Variants in CDHR3 observed in about 807,000 individuals in gnomAD.
CDHR3 encodes the protein cadherin related family member 3, also known as cadherin-related family member 3.
A neutral mutation model predicts 86.6 loss-of-function variants in CDHR3; 79 were observed. That is an observed-to-expected ratio of 0.91 (90% CI 0.76 to 1.10). CDHR3 has a LOEUF of 1.10. CDHR3 is among the 50% of genes least tolerant of loss of function. The pLI, the probability that CDHR3 is intolerant of heterozygous loss-of-function variation, is 0.00. For synonymous variants in CDHR3, 421 were observed against 402.4 expected (o/e 1.05, Z -0.55); for missense variants, 1,081 against 1,077.6 (o/e 1.00, Z -0.04).
At position 105,974,951 on chromosome 7, in the gene CDHR3, T is replaced by C. The variant is rs372694815; in HGVS notation, c.154T>C (p.Leu52=). The C allele has an allele frequency of 2.0e-5, 33 of 1,613,696 alleles. No individual in the cohort carries two copies. In the African/African-American group the frequency reaches 3.3e-4, roughly 16 times the overall value. The part of the protein sequence containing the change: ...HKFSVKLSAS[L]SPVIPGFPQI... The stretch of plus-strand genomic sequence containing the variant: ...GTTTTCTGTGAAGTTATCAGCATCA[T>C]TGTCACCTGTGATCCCAGGATTTCC... Residue 52 remains leucine, a synonymous_variant, in exon 2 of 19, where the codon TTG becomes CTG. Transcript: ENST00000317716.
At chr7:106,011,223 C>T (rs1834751221) in intron 8 of CDHR3, among the ~76,000 whole-genome samples, 1 of 152,304 alleles carries the variant, frequency 6.6e-6, no homozygotes, top group Middle Eastern at 3.4e-3. Context: ...TATGCATGCT[C>T]CTTTGCAATG....
chr7:106,031,446 G>T (rs902861288), intron 18 of CDHR3, among the ~76,000 whole-genome samples: 1 of 152,160 alleles, frequency 6.6e-6, no homozygotes, highest in Admixed American at 6.5e-5. Flanking sequence ...AATTATAGAC[G>T]TGAATAAAGG....
At chr7:105,993,487 T>G (rs569341432) in intron 4 of CDHR3, among the ~76,000 whole-genome samples, 46 of 150,812 alleles carry the variant, frequency 3.1e-4, no homozygotes, top group Non-Finnish European at 5.0e-4. Flanking sequence ...CTGGGCAACA[T>G]GGTGAAACCC....
At chr7:106,024,313 C>T (rs148473744) in intron 14 of CDHR3, 68 bp from the exon 15 acceptor site, 29 of 1,380,028 alleles carry the variant, frequency 2.1e-5, no homozygotes, top group Middle Eastern at 1.8e-4. Flanking sequence ...ACACTCAACA[C>T]GAGAGAGTGC....
rs569733899 is a variant in CDHR3, at chr7:106,023,705, T to C, written c.2077-676T>C. The stretch of plus-strand genomic sequence containing the variant: ...CTTGCCAGGAGCTGGTTCATGCTTC[T>C]CTCTCCCATGCTCGAGTCAATATGA... On this transcript the variant is annotated intron_variant, in intron 14 of 18. Transcript: ENST00000317716. Among the ~76,000 whole-genome samples, 4 of 152,310 alleles carry C rather than the reference T, an allele frequency of 2.6e-5. 1 individual carries two copies. In the South Asian group the frequency reaches 6.2e-4, roughly 24 times the overall value.
chr7:106,004,674 A>G lies in CDHR3; in HGVS notation c.1039A>G (p.Lys347Glu), dbSNP rs1436124426. The change falls in exon 8 of 19, where the codon AAG (lysine) becomes GAG (glutamate). Residue 347 changes from lysine to glutamate, a missense_variant. By Grantham distance (56) the Lys-to-Glu change is moderately conservative. Transcript: ENST00000317716. ...CAACGACAATCCTGCCACATGCCAA[A>G]AGTTCACCTTCAGGTATGCACACTT... ...DVNDNPATCQ[K>E]FTFSIMVPER... is the part of the protein sequence containing the mutation. 1 of 1,613,858 alleles carries G rather than the reference A, an allele frequency of 6.2e-7. No homozygotes were observed. Among genetic ancestry groups the G allele is most frequent in the African/African-American group, 1.3e-5 (1 of 74,916 alleles).
Position 105,987,687 on chromosome 7 carries a change from G to A in CDHR3, c.513+3398G>A, listed in dbSNP as rs143880559. Reference sequence around the variant, plus strand: ...TGTGATTGGACTTGGATATGGCCTGGGCATTAGGACTATAAAGCCCCCAGG... The same window carrying A: ...TGTGATTGGACTTGGATATGGCCTGAGCATTAGGACTATAAAGCCCCCAGG... On this transcript the variant is annotated intron_variant, in intron 4 of 18. Coordinates refer to ENST00000317716, the MANE Select transcript of CDHR3 (RefSeq NM_152750.5). Among the ~76,000 whole-genome samples the A allele has an allele frequency of 3.3e-5, 5 of 152,232 alleles. No individual in the cohort carries two copies. The East Asian group carries it at 9.7e-4, about 29-fold the overall frequency.
intron 16 of CDHR3, among the ~76,000 whole-genome samples, chr7:106,027,860 C>T (rs1198005016): frequency 2.6e-5 from 4 of 152,028 alleles, no homozygotes; most frequent in East Asian, 3.9e-4. Context: ...CATGGTGGCT[C>T]ACACTTATAA....
chr7:105,992,950 G>A (rs1018408364), intron 4 of CDHR3, among the ~76,000 whole-genome samples: 4 of 152,184 alleles, frequency 2.6e-5, no homozygotes, highest in Admixed American at 6.5e-5. Flanking sequence ...GCTTAAAAAC[G>A]TTATATTGGC....
intron 4 of CDHR3, among the ~76,000 whole-genome samples, chr7:105,985,852 TA>T (rs1172057815): frequency 1.3e-5 from 2 of 152,334 alleles, no homozygotes; most frequent in Non-Finnish European, 2.9e-5. Flanking sequence ...TAACAAAACT[TA>T]ACCATGGGCG....
At chr7:106,014,921 C>T (rs1004548346) in intron 9 of CDHR3, among the ~76,000 whole-genome samples, 190 bp from the exon 10 acceptor site, 2 of 152,140 alleles carry the variant, frequency 1.3e-5, no homozygotes, top group African/African-American at 4.8e-5. Context: ...AAATTATTTC[C>T]ATAAGTTCAC....
rs368373499 is a variant in CDHR3, at chr7:106,002,151, G to C, written c.862+541G>C. Reference sequence around the variant, plus strand: ...CAGCTATGTCACCCTTCACCTTTGTGGGGGATGGGTGGGGGGCAGTGAAGA... The same window carrying C: ...CAGCTATGTCACCCTTCACCTTTGTCGGGGATGGGTGGGGGGCAGTGAAGA... On this transcript the variant is annotated intron_variant, in intron 7 of 18. Coordinates refer to ENST00000317716, the MANE Select transcript of CDHR3 (RefSeq NM_152750.5). 2.2e-3 allele frequency among the ~76,000 whole-genome samples: 332 copies of C among 152,274 alleles called. 2 individuals carry two copies. The highest frequency in any genetic ancestry group is 7.7e-3 in the African/African-American group (319 of 41,554).
At chr7:105,982,166 T>C (rs900956199) in intron 3 of CDHR3, among the ~76,000 whole-genome samples, 8 of 151,520 alleles carry the variant, frequency 5.3e-5, no homozygotes, top group African/African-American at 1.9e-4. Context: ...TCAAAGGGAG[T>C]CTCCTTAAGA....
intron 1 of CDHR3, among the ~76,000 whole-genome samples, chr7:105,971,583 C>G (rs1158509087): frequency 6.6e-6 from 1 of 152,152 alleles, no homozygotes; most frequent in Non-Finnish European, 1.5e-5. Context: ...GTCTCTCAGA[C>G]CCAGGAATTA....
chr7:106,030,885 A>G lies in CDHR3; in HGVS notation c.2353+45A>G, dbSNP rs1475522967. On this transcript the variant is annotated intron_variant, in intron 18 of 18. Coordinates refer to ENST00000317716, the MANE Select transcript of CDHR3 (RefSeq NM_152750.5). This position sits in a 1 kb window ranked among gnomAD's most constrained non-coding sequence, Gnocchi z 4.8. ...ACTGTAAGAATGCTTTTTATATTCC[A>G]GACTGGTAGAAGCATGGAGGATCTT... 2.6e-6 allele frequency: 4 copies of G among 1,535,548 alleles called. No individual in the cohort carries two copies. The Admixed American group carries it at 7.2e-5, about 28-fold the overall frequency.
chr7:106,008,774 C>T (rs1486089747), intron 8 of CDHR3, among the ~76,000 whole-genome samples: 1 of 152,116 alleles, frequency 6.6e-6, no homozygotes, highest in Non-Finnish European at 1.5e-5. Context: ...TGTGCTAGAA[C>T]TCTTGGGTGG....
At chr7:105,970,983 T>C (rs1372616717) in intron 1 of CDHR3, among the ~76,000 whole-genome samples, 1 of 151,664 alleles carries the variant, frequency 6.6e-6, no homozygotes, top group Admixed American at 6.6e-5. Context: ...CTACTAAAAA[T>C]ACAAAAAAAT....
intron 6 of CDHR3, among the ~76,000 whole-genome samples, chr7:105,999,214 T>A (rs982022178): frequency 6.6e-6 from 1 of 152,264 alleles, no homozygotes; most frequent in African/African-American, 2.4e-5. Flanking sequence ...TTGAATGATA[T>A]TTTATACATA....
chr7:106,020,590 C>A (rs755542628), intron 13 of CDHR3, 46 bp downstream of exon 13: 3 of 1,578,754 alleles, frequency 1.9e-6, no homozygotes, highest in South Asian at 2.4e-5. Flanking sequence ...TCTGAGGACC[C>A]TGAAGTTGTC....
Sources: allele counts gnomAD v4.1 joint callset (sites outside exome capture counted in the v4.1 genomes callset), GRCh38; gene constraint gnomAD v4.1.1; non-coding constraint Gnocchi (gnomAD v3.1); transcripts MANE v1.5; gene names NCBI Gene and HGNC (gene_info 2026-07-23, HGNC 2026-07-21).